The following NRIP1 variants were observed in gnomAD, a reference collection of about 807,000 sequenced individuals.
The protein encoded by NRIP1 is nuclear receptor-interacting protein 1.
Under a neutral mutation model 75.0 loss-of-function variants are expected in NRIP1, and 28 were observed. The ratio of observed to expected loss-of-function variants is 0.37; its 90% CI spans 0.28 to 0.51. The LOEUF is 0.51. Among genes scored for constraint, NRIP1 ranks in the 20% least tolerant of loss-of-function variants. The pLI is 0.92. For missense variants in NRIP1, 1,435 were observed against 1,343.7 expected (o/e 1.07, Z -1.06); for synonymous variants, 526 against 487.6 (o/e 1.08, Z -1.04).
rs143905777 is a variant in NRIP1 at position 15,008,670 on chromosome 21, C to G, written c.-335+5674G>C. 3.2e-3 allele frequency among the ~76,000 whole-genome samples: 488 copies of G among 152,168 alleles called. 2 individuals carry two copies. Among genetic ancestry groups the G allele is most frequent in the Non-Finnish European group, 4.8e-3 (323 of 67,994 alleles). Reference sequence around the variant, plus strand: ...ACTTATTAGTCTACAAACACAAAAGCAAGGTTAACATTATTGGAATAAAAA... The same window carrying G: ...ACTTATTAGTCTACAAACACAAAAGGAAGGTTAACATTATTGGAATAAAAA... On this transcript the variant is annotated intron_variant, in intron 3 of 3. Coordinates refer to ENST00000318948, the MANE Select transcript of NRIP1 (RefSeq NM_003489.4).
chr21:15,010,127 A>G (rs2088067940), intron 3 of NRIP1, among the ~76,000 whole-genome samples: 1 of 152,216 alleles, frequency 6.6e-6, no homozygotes, highest in Non-Finnish European at 1.5e-5. Flanking sequence ...CCTCTAATCC[A>G]GAATGAAGAA....
At chr21:15,031,141 ACG>A (rs2088673690) in intron 2 of NRIP1, among the ~76,000 whole-genome samples, 7 of 38,832 alleles carry the variant, frequency 1.8e-4, no homozygotes, top group South Asian at 1.1e-3. Context: ...TGGAAGGCGC[ACG>A]GAGGATCACC....
intron 2 of NRIP1, among the ~76,000 whole-genome samples, chr21:15,041,340 C>A (rs2088950136): frequency 6.6e-6 from 1 of 151,988 alleles, no homozygotes; most frequent in Admixed American, 6.6e-5. Context: ...GAGGCAGGAT[C>A]GATTAGAAAA....
At chr21:15,062,101 G>A (rs755676651) in intron 1 of NRIP1, among the ~76,000 whole-genome samples, 32 of 152,074 alleles carry the variant, frequency 2.1e-4, no homozygotes, top group Non-Finnish European at 3.7e-4. Context: ...AAAGATCTTG[G>A]AGGCCATCTT....
At chr21:15,024,356 A>AAC (rs1425923491) in intron 2 of NRIP1, among the ~76,000 whole-genome samples, 1 of 152,176 alleles carries the variant, frequency 6.6e-6, no homozygotes, top group Non-Finnish European at 1.5e-5. Context: ...CAGCCTGGCC[A>AAC]ACATGGTGAA....
intron 3 of NRIP1, among the ~76,000 whole-genome samples, chr21:14,979,844 C>A (rs73170294): frequency 0.19 from 28,618 of 151,918 alleles, 3,091 homozygotes; most frequent in East Asian, 0.45. Flanking sequence ...GTTTGTGTGC[C>A]TGTATATATA....
intron 3 of NRIP1, among the ~76,000 whole-genome samples, chr21:14,968,808 C>T (rs763724645): frequency 3.9e-5 from 6 of 152,116 alleles, no homozygotes; most frequent in Admixed American, 2.0e-4. Flanking sequence ...CTTCCAAAGC[C>T]GCCAAGTCTC....
intron 3 of NRIP1, chr21:15,002,215 A>C (rs563340806): frequency 6.6e-6 from 1 of 152,302 alleles, no homozygotes; most frequent in South Asian, 2.1e-4. Context: ...GCACAGGTAC[A>C]CCGGAGTAAT....
intron 3 of NRIP1, among the ~76,000 whole-genome samples, chr21:15,007,801 G>A (rs749230593): frequency 1.7e-4 from 26 of 152,148 alleles, no homozygotes; most frequent in Non-Finnish European, 2.9e-4. Context: ...TCCCGACTAC[G>A]TTTAGGACAC....
At chr21:15,034,521 T>C (rs544329069) in intron 2 of NRIP1, among the ~76,000 whole-genome samples, 1 of 152,342 alleles carries the variant, frequency 6.6e-6, no homozygotes, top group Non-Finnish European at 1.5e-5. Flanking sequence ...AATATTATTA[T>C]TGACTCCTAT....
chr21:14,994,762 A>C (rs2087673890), intron 3 of NRIP1, among the ~76,000 whole-genome samples: 2 of 152,182 alleles, frequency 1.3e-5, no homozygotes, highest in South Asian at 2.1e-4. Flanking sequence ...CAGGCTTTGA[A>C]TCTTAGGTTC....
intron 1 of NRIP1, among the ~76,000 whole-genome samples, chr21:15,048,966 A>C (rs1353516648): frequency 6.6e-6 from 1 of 150,508 alleles, no homozygotes; most frequent in Non-Finnish European, 1.5e-5. Flanking sequence ...ATACAAATAC[A>C]TACACACACA....
chr21:14,986,157 C>T (rs890841209), intron 3 of NRIP1, among the ~76,000 whole-genome samples: 49 of 152,120 alleles, frequency 3.2e-4, no homozygotes, highest in Non-Finnish European at 8.8e-5. Context: ...CAAAGCTATT[C>T]TTGGAATGAT....
In NRIP1 at chr21:15,012,447, C is replaced by CTTTTTTTTTT. The variant is rs869160226; in HGVS notation, c.-335+1887_-335+1896dup. ...AGTTGTTCACTATACATTATAATGT[C>CTTTTTTTTTT]TTTTTTTTTTTTTTTTTTTTTTTTT... On this transcript the variant is annotated intron_variant, in intron 3 of 3. Transcript: ENST00000318948. 4.2e-4 allele frequency among the ~76,000 whole-genome samples: 33 copies of CTTTTTTTTTT among 79,376 alleles called. 1 individual carries two copies. Among genetic ancestry groups the CTTTTTTTTTT allele is most frequent in the African/African-American group, 1.1e-3 (21 of 19,678 alleles). The allele number at this position is 79,376 out of a possible 152,430, so 52.1% of individuals were successfully genotyped here.
rs1026725543 is a variant in NRIP1 at position 15,016,738 on chromosome 21, A to G, written c.-457-2272T>C. Among the ~76,000 whole-genome samples the G allele has an allele frequency of 3.9e-5, 6 of 152,184 alleles. No homozygotes were observed. The South Asian group carries it at 1.0e-3, about 26-fold the overall frequency. ...TTTCTACTAAAAATATAAAAAAATT[A>G]GCTGGGTGTGGTGGTGGGCACCTGT... is the stretch of plus-strand genomic sequence containing the variant. On this transcript the variant is annotated intron_variant, in intron 2 of 3. Coordinates refer to ENST00000318948, the MANE Select transcript of NRIP1 (RefSeq NM_003489.4).
intron 3 of NRIP1, among the ~76,000 whole-genome samples, chr21:14,975,642 A>AAGG (rs1555881028): frequency 2.8e-5 from 4 of 144,098 alleles, no homozygotes; most frequent in African/African-American, 5.4e-5. Flanking sequence ...AAAAAAAAAA[A>AAGG]AAGGAAGGAA....
chr21:15,024,309 A>G (rs1200666339), intron 2 of NRIP1, among the ~76,000 whole-genome samples: 5 of 152,242 alleles, frequency 3.3e-5, no homozygotes, highest in South Asian at 2.1e-4. Flanking sequence ...TTGGGAGGCT[A>G]AGGTGGGTGG....
At chr21:15,019,899 C>G (rs1406672072) in intron 2 of NRIP1, among the ~76,000 whole-genome samples, 1 of 152,116 alleles carries the variant, frequency 6.6e-6, no homozygotes, top group Non-Finnish European at 1.5e-5. Context: ...CACGGTGGCT[C>G]ACGCCTGCAA....
chr21:14,968,245 T>G lies in NRIP1; in HGVS notation c.-53A>C. ...GGTTTCTATTCACTTTAAAGAATGG[T>G]TTTCTGTGGTGAGTGCGATGTAACT... On this transcript the variant is annotated 5_prime_UTR_variant, in exon 4 of 4. Transcript: ENST00000318948. 7.8e-7 allele frequency: 1 copy of G among 1,279,490 alleles called. No homozygotes were observed. Among genetic ancestry groups the G allele is most frequent in the Non-Finnish European group, 1.1e-6 (1 of 913,136 alleles). 79.3% of individuals were successfully genotyped at this position (1,279,490 alleles called of 1,614,324 possible). A position where few individuals can be genotyped will look rare whatever the true frequency, so the allele number is the denominator to read the frequency against.
Sources: allele counts gnomAD v4.1 joint callset (sites outside exome capture counted in the v4.1 genomes callset), GRCh38; gene constraint gnomAD v4.1.1; transcripts MANE v1.5; gene names NCBI Gene and HGNC (gene_info 2026-07-23, HGNC 2026-07-21).